The following MYLK variants were observed in gnomAD, a reference collection of about 807,000 sequenced individuals.
MYLK encodes the protein myosin light chain kinase, also known as myosin light chain kinase, smooth muscle.
Under a neutral mutation model 203.4 loss-of-function variants are expected in MYLK, and 106 were observed. The ratio of observed to expected loss-of-function variants is 0.52; its 90% confidence interval spans 0.45 to 0.61. The LOEUF (loss-of-function observed/expected upper bound fraction) is 0.61. Ranked by LOEUF, MYLK falls within the 20% of genes least tolerant of loss-of-function variation. MYLK has a pLI of 0.00. For synonymous variants in MYLK, 867 were observed against 959.5 expected (o/e 0.90, Z 1.78); for missense variants, 2,072 against 2,442.3 (o/e 0.85, Z 3.20).
At chr3:123,645,100 A>G (rs755475186) in intron 27 of MYLK, among the ~76,000 whole-genome samples, 14 of 151,932 alleles carry the variant, frequency 9.2e-5, no homozygotes, top group Non-Finnish European at 1.3e-4. Flanking sequence ...AAAAAAAGTC[A>G]ATGTATCATA....
At chr3:123,682,426 G>C in intron 19 of MYLK, 116 bp from the exon 20 acceptor site, 1 of 814,888 alleles carries the variant, frequency 1.2e-6, no homozygotes, top group Non-Finnish European at 2.1e-6. Context: ...AGGGCCCTTT[G>C]TGCCCGCTGG....
rs534215577 is a variant in MYLK, at chr3:123,709,560, C to A, written c.1942+196G>T. On this transcript the variant is annotated intron_variant, in intron 14 of 33. Coordinates refer to ENST00000360304, the MANE Select transcript of MYLK (RefSeq NM_053025.4). The stretch of plus-strand genomic sequence containing the variant: ...ATCTTCTTCCTCTGGACCATTTAAT[C>A]ATGAATCCAGAAAATCCTACCCAGA... 79 of 700,764 alleles carry A rather than the reference C, an allele frequency of 1.1e-4. 1 individual carries two copies. Among genetic ancestry groups the A allele is most frequent in the Non-Finnish European group, 4.7e-5 (19 of 403,194 alleles). 43.4% of individuals were successfully genotyped at this position (700,764 alleles called of 1,614,324 possible). A position where few individuals can be genotyped will look rare whatever the true frequency, so the allele number is the denominator to read the frequency against.
chr3:123,861,790 CT>C (rs1234008169), intron 2 of MYLK, among the ~76,000 whole-genome samples: 1 of 152,184 alleles, frequency 6.6e-6, no homozygotes, highest in African/African-American at 2.4e-5. Context: ...GGAGAGTGGA[CT>C]GGACTCAAAA....
chr3:123,877,064 C>T (rs2033195816), intron 1 of MYLK, among the ~76,000 whole-genome samples: 1 of 152,152 alleles, frequency 6.6e-6, no homozygotes. Flanking sequence ...TTAACTCATT[C>T]CCTGAACAAA....
intron 4 of MYLK, among the ~76,000 whole-genome samples, chr3:123,778,146 C>T (rs1019749995): frequency 1.2e-4 from 18 of 151,870 alleles, no homozygotes; most frequent in Non-Finnish European, 7.4e-5. Flanking sequence ...AATATCATCC[C>T]TAAGGGGGGG....
At chr3:123,644,868 G>T (rs1175631373) in intron 27 of MYLK, among the ~76,000 whole-genome samples, 3 of 152,196 alleles carry the variant, frequency 2.0e-5, no homozygotes, top group African/African-American at 7.2e-5. Flanking sequence ...ATGGTTCCAT[G>T]AAATAGTAGA....
At chr3:123,829,617 A>G (rs1014094159) in intron 3 of MYLK, among the ~76,000 whole-genome samples, 5 of 152,204 alleles carry the variant, frequency 3.3e-5, no homozygotes, top group Non-Finnish European at 7.3e-5. Flanking sequence ...AACATAAAGA[A>G]ATGATAAATG....
At chr3:123,748,056 T>C (rs776913083) in intron 5 of MYLK, among the ~76,000 whole-genome samples, 3 of 152,198 alleles carry the variant, frequency 2.0e-5, no homozygotes, top group Non-Finnish European at 2.9e-5. Flanking sequence ...TTTATTTGGC[T>C]TGTGGTTCTG....
At chr3:123,685,063 G>A (rs759988851) in intron 19 of MYLK, among the ~76,000 whole-genome samples, 4 of 152,332 alleles carry the variant, frequency 2.6e-5, no homozygotes, top group South Asian at 4.1e-4. Context: ...GACTCCTTTC[G>A]TCCTCATGGG....
rs62262959 is a variant in MYLK, at chr3:123,845,419, C to T, written c.-126-13749G>A. ...CGCAAGGACATGTCAGGAGTCCATC[C>T]ACCTCAGGGACAGAGTTCAAAGTTG... On this transcript the variant is annotated intron_variant, in intron 2 of 33. Transcript: ENST00000360304. 3.3e-5 allele frequency among the ~76,000 whole-genome samples: 5 copies of T among 152,176 alleles called. 1 individual carries two copies. The highest frequency in any genetic ancestry group is 3.3e-4 in the Admixed American group (5 of 15,272).
intron 24 of MYLK, among the ~76,000 whole-genome samples, chr3:123,653,822 C>A (rs1269678285): frequency 6.6e-6 from 1 of 152,168 alleles, no homozygotes; most frequent in Non-Finnish European, 1.5e-5. Flanking sequence ...ATAGCACAGA[C>A]CTGGATGATT....
chr3:123,762,908 G>T (rs1326469820), intron 4 of MYLK, among the ~76,000 whole-genome samples: 1 of 152,078 alleles, frequency 6.6e-6, no homozygotes, highest in Non-Finnish European at 1.5e-5. Flanking sequence ...TAAATTACTC[G>T]GTCTGTGGTA....
chr3:123,710,528 A>G (rs895743636), intron 13 of MYLK, among the ~76,000 whole-genome samples: 1 of 152,206 alleles, frequency 6.6e-6, no homozygotes, highest in African/African-American at 2.4e-5. Context: ...CACAAAAGCC[A>G]AAGACACTAC....
In MYLK at chr3:123,682,341, G is replaced by C. The variant is rs761292685; in HGVS notation, c.3566-31C>G. The C allele has an allele frequency of 3.3e-5, 50 of 1,525,114 alleles. No homozygotes were observed. In the Admixed American group the frequency reaches 8.7e-4, roughly 27 times the overall value. The allele number at this position is 1,525,114 out of a possible 1,614,324, so 94.5% of individuals were successfully genotyped here. ...ATGAAACAGGTAACAATAAATGTTA[G>C]CAGCTGCTGAGGAAATGAGCAAAGG... On this transcript the variant is annotated intron_variant, in intron 19 of 33. Coordinates refer to ENST00000360304, the MANE Select transcript of MYLK (RefSeq NM_053025.4).
chr3:123,737,255 T>C (rs1426594258), intron 8 of MYLK, 123 bp downstream of exon 8: 49 of 1,155,580 alleles, frequency 4.2e-5, no homozygotes, highest in Non-Finnish European at 6.0e-5. Flanking sequence ...CCCTGGGGAG[T>C]GCCTGGGTGT....
At chr3:123,681,915 A>G (rs2060278384) in intron 20 of MYLK, 1 of 426,382 alleles carries the variant, frequency 2.3e-6, no homozygotes, top group Non-Finnish European at 4.4e-6. Context: ...GCTCTCCTAG[A>G]GTCTTGGTGG....
intron 4 of MYLK, among the ~76,000 whole-genome samples, chr3:123,763,435 T>C (rs183400318): frequency 1.2e-4 from 19 of 152,354 alleles, no homozygotes; most frequent in African/African-American, 4.3e-4. Flanking sequence ...TAGAATACCA[T>C]TCCAATAGTT....
chr3:123,615,232 C>CA (rs1339227697), intron 33 of MYLK, among the ~76,000 whole-genome samples: 1 of 151,522 alleles, frequency 6.6e-6, no homozygotes, highest in African/African-American at 2.4e-5. Context: ...GCCAACATGG[C>CA]AAAAAAATAA....
chr3:123,650,616 T>TA (rs2059179471), intron 24 of MYLK, among the ~76,000 whole-genome samples: 1 of 151,498 alleles, frequency 6.6e-6, no homozygotes, highest in African/African-American at 2.4e-5. Flanking sequence ...CATGGAAAAA[T>TA]AAAAAAGGAT....
Sources: allele counts gnomAD v4.1 joint callset (sites outside exome capture counted in the v4.1 genomes callset), GRCh38; gene constraint gnomAD v4.1.1; transcripts MANE v1.5; gene names NCBI Gene and HGNC (gene_info 2026-07-23, HGNC 2026-07-21).